SYT6: variants seen among roughly 807,000 people sequenced by gnomAD.
SYT6 encodes synaptotagmin 6.
A neutral mutation model predicts 38.4 loss-of-function variants in SYT6; 24 were observed. The ratio of observed to expected loss-of-function variants is 0.62; its 90% CI spans 0.45 to 0.88. The LOEUF is 0.88. SYT6 is among the 40% of genes least tolerant of loss of function. SYT6 has a pLI of 0.00. For missense variants in SYT6, 611 were observed against 621.0 expected, an observed-to-expected ratio of 0.98 and a Z score of 0.17; for synonymous variants, 265 against 241.9, an observed-to-expected ratio of 1.10 and a Z score of -0.89.
intron 3 of SYT6, among the ~76,000 whole-genome samples, chr1:114,113,037 G>A (rs1407297720): frequency 1.3e-5 from 2 of 152,296 alleles, no homozygotes. Flanking sequence ...CAGGGCTTTG[G>A]TCTCAGCCAA....
chr1:114,150,244 C>A (rs191434474), intron 1 of SYT6, among the ~76,000 whole-genome samples: 27 of 152,268 alleles, frequency 1.8e-4, no homozygotes, highest in Admixed American at 1.8e-3. Flanking sequence ...ACTGAAACCA[C>A]CATCCCTACT....
At chr1:114,122,540 G>A (rs896048751) in intron 3 of SYT6, among the ~76,000 whole-genome samples, 7 of 147,508 alleles carry the variant, frequency 4.7e-5, no homozygotes, top group Non-Finnish European at 9.0e-5. Context: ...CACACACGTG[G>A]GGCTGCCTGG....
chr1:114,138,605 T>C (rs1019130624), intron 2 of SYT6, among the ~76,000 whole-genome samples: 1 of 152,232 alleles, frequency 6.6e-6, no homozygotes, highest in Non-Finnish European at 1.5e-5. Context: ...TTAACCTCTC[T>C]GTGCCATAAA....
intron 3 of SYT6, among the ~76,000 whole-genome samples, chr1:114,104,780 A>G (rs1676183976): frequency 6.6e-6 from 1 of 152,202 alleles, no homozygotes; most frequent in Non-Finnish European, 1.5e-5. Flanking sequence ...CAAAACAGAC[A>G]AAAATCCCTG....
chr1:114,150,653 G>C (rs1414427090), intron 1 of SYT6, among the ~76,000 whole-genome samples: 1 of 152,158 alleles, frequency 6.6e-6, no homozygotes, highest in Non-Finnish European at 1.5e-5. Context: ...AACCTCTGCA[G>C]CTTGGCTTAT....
At chr1:114,143,513 CTT>C (rs776295657) in intron 1 of SYT6, among the ~76,000 whole-genome samples, 3 of 146,700 alleles carry the variant, frequency 2.0e-5, no homozygotes, top group East Asian at 3.9e-4. Context: ...TTATATATAA[CTT>C]ATATGTGTAT....
chr1:114,124,341 T>C (rs1054777550), intron 3 of SYT6, among the ~76,000 whole-genome samples: 2 of 152,068 alleles, frequency 1.3e-5, no homozygotes, highest in Non-Finnish European at 2.9e-5. Context: ...TGTGAGAAGA[T>C]GGGGCCGGAA....
At position 114,090,412 on chromosome 1, in the gene SYT6, G is replaced by C. The variant is rs1242835509; in HGVS notation, c.*1722C>G. ...CTTTTCTAAGCAGAAAATTCCTTTT[G>C]CCACAATATCCTGTTAACTCATGCC... On this transcript the variant is annotated 3_prime_UTR_variant, in exon 8 of 8. Transcript: ENST00000610222. The C allele has an allele frequency of 6.6e-6, 1 of 152,312 alleles. No homozygotes were observed. The highest frequency in any genetic ancestry group is 2.4e-5 in the African/African-American group (1 of 41,446). 9.4% of individuals were successfully genotyped at this position (152,312 alleles called of 1,614,324 possible).
At chr1:114,114,554 C>T (rs938436426) in intron 3 of SYT6, among the ~76,000 whole-genome samples, 4 of 152,252 alleles carry the variant, frequency 2.6e-5, no homozygotes, top group Admixed American at 2.6e-4. Flanking sequence ...TGTTCCTCAG[C>T]GGGTGGGCTG....
Position 114,137,820 on chromosome 1 carries a change from C to G in SYT6, c.746G>C (p.Arg249Pro). The G allele has an allele frequency of 6.2e-7, 1 of 1,613,990 alleles. No individual in the cohort carries two copies. The highest frequency in any genetic ancestry group is 8.5e-7 in the Non-Finnish European group (1 of 1,180,000). The change falls in exon 3 of 8, where the codon CGT (arginine) becomes CCT (proline). Residue 249 changes from arginine (R) to proline (P), a missense_variant. Arg to Pro is a moderately radical substitution (Grantham distance 103, BLOSUM62 -2). Coordinates refer to ENST00000610222, the MANE Select transcript of SYT6 (RefSeq NM_001253772.2). ...YDYETETLIV[R>P]ILKAFDLPAK... ...AGGGAGGTCAAAAGCCTTCAGGATA[C>G]GCACAATCAGGGTCTCGGTCTCGTA...
chr1:114,151,108 A>G (rs1194717490), intron 1 of SYT6, among the ~76,000 whole-genome samples: 1 of 152,230 alleles, frequency 6.6e-6, no homozygotes, highest in African/African-American at 2.4e-5. Flanking sequence ...CTGGACCCAG[A>G]GAGCAGGCTG....
At position 114,139,098 on chromosome 1, in the gene SYT6, G is replaced by A. The variant is rs189055319; in HGVS notation, c.512+517C>T. Among the ~76,000 whole-genome samples the A allele has an allele frequency of 6.0e-4, 92 of 152,322 alleles. 1 individual carries two copies. The highest frequency in any genetic ancestry group is 5.6e-3 in the Admixed American group (86 of 15,310). On this transcript the variant is annotated intron_variant, in intron 2 of 7. Transcript: ENST00000610222. ...TATGTTTTTCTTGTTGCTATTTTCA[G>A]TTAAAGGATGCTGTATGTATTTACA...
At chr1:114,139,106 A>G (rs1475638901) in intron 2 of SYT6, among the ~76,000 whole-genome samples, 1 of 152,170 alleles carries the variant, frequency 6.6e-6, no homozygotes. Flanking sequence ...CAGTTAAAGG[A>G]TGCTGTATGT....
At chr1:114,110,119 G>C (rs899199894) in intron 3 of SYT6, among the ~76,000 whole-genome samples, 1 of 152,182 alleles carries the variant, frequency 6.6e-6, no homozygotes, top group Admixed American at 6.5e-5. Context: ...GCAGACAATG[G>C]GAGACTGGCT....
chr1:114,122,481 T>TTGTGTGTGTG (rs142500087), intron 3 of SYT6, among the ~76,000 whole-genome samples: 13 of 148,272 alleles, frequency 8.8e-5, no homozygotes, highest in East Asian at 2.1e-4. Context: ...GCATGTACAT[T>TTGTGTGTGTG]TGTGTGTGTG....
At chr1:114,140,944 G>A (rs759848800) in intron 1 of SYT6, among the ~76,000 whole-genome samples, 13 of 152,138 alleles carry the variant, frequency 8.5e-5, no homozygotes, top group African/African-American at 1.7e-4. Context: ...GTTTTGAGGC[G>A]TCCTGAGCTG....
chr1:114,115,163 T>C (rs915640636), intron 3 of SYT6, among the ~76,000 whole-genome samples: 1 of 152,198 alleles, frequency 6.6e-6, no homozygotes, highest in Non-Finnish European at 1.5e-5. Flanking sequence ...ACACAAATTC[T>C]TGGGCCCTAC....
chr1:114,126,416 T>C (rs1400340693), intron 3 of SYT6, among the ~76,000 whole-genome samples: 1 of 152,196 alleles, frequency 6.6e-6, no homozygotes, highest in Non-Finnish European at 1.5e-5. Context: ...TTGCTGCTGA[T>C]CTAGGAAACT....
At chr1:114,108,140 G>A (rs376980184) in intron 3 of SYT6, among the ~76,000 whole-genome samples, 6 of 152,196 alleles carry the variant, frequency 3.9e-5, no homozygotes, top group Non-Finnish European at 5.9e-5. Context: ...CAGGATGTTG[G>A]CTTCTGGAGA....
Sources: gnomAD v4.1 joint callset for allele counts (sites outside exome capture counted in the v4.1 genomes callset) on GRCh38, gnomAD v4.1.1 for gene constraint, MANE v1.5 for transcripts, NCBI Gene and HGNC (gene_info 2026-07-23, HGNC 2026-07-21) for gene names.